Variants in BDP1 observed in about 807,000 individuals in gnomAD.
The protein encoded by BDP1 is transcription factor TFIIIB component B'' homolog.
In BDP1, 169 loss-of-function variants were observed where a neutral mutation model predicts 266.6. The ratio of observed to expected loss-of-function variants is 0.63; its 90% CI spans 0.56 to 0.72. BDP1 has a LOEUF of 0.72. Among genes scored for constraint, BDP1 ranks in the 30% least tolerant of loss-of-function variants. BDP1 has a pLI of 0.00. For missense variants in BDP1, 3,015 were observed against 3,053.8 expected (o/e 0.99, Z 0.30); for synonymous variants, 1,090 against 1,022.4 (o/e 1.07, Z -1.26).
In BDP1 at chr5:71,548,751, A is replaced by G. The variant is rs192651501; in HGVS notation, c.6808+6A>G. ...CAATCCTCAAGACCTAACAGGTATGATAATATGCTTCAGTGACATGTCATA... is the reference window on the plus strand; with the variant it reads ...CAATCCTCAAGACCTAACAGGTATGGTAATATGCTTCAGTGACATGTCATA... On this transcript the variant is annotated splice_donor_region_variant and intron_variant, in intron 33 of 38. Transcript: ENST00000358731. 4.3e-5 allele frequency: 67 copies of G among 1,573,232 alleles called. No individual in the cohort carries two copies. The African/African-American group carries it at 8.2e-4, about 19-fold the overall frequency.
At chr5:71,461,449 A>G (rs1761558315) in intron 2 of BDP1, among the ~76,000 whole-genome samples, 1 of 151,838 alleles carries the variant, frequency 6.6e-6, no homozygotes, top group African/African-American at 2.4e-5. Context: ...TACCAAAAAA[A>G]AAAAAACCCC....
chr5:71,473,714 A>G (rs751959986), intron 7 of BDP1, among the ~76,000 whole-genome samples: 1 of 151,972 alleles, frequency 6.6e-6, no homozygotes, highest in Non-Finnish European at 1.5e-5. Context: ...GTTTTAGGGT[A>G]CATGTGCACA....
rs1561738970 is a variant in BDP1, at chr5:71,516,219, A to G, written c.4808A>G (p.Glu1603Gly). The change falls in exon 21 of 39, where the codon GAA (glutamate) becomes GGA (glycine). Residue 1603 changes from glutamate (E) to glycine (G), a missense_variant. Around this residue, in one of 3 missense-constraint regions of BDP1, gnomAD observed 2,383 missense variants for 2,404.9 expected, o/e 0.99. Coordinates refer to ENST00000358731, the MANE Select transcript of BDP1 (RefSeq NM_018429.3). ...GGTGAAGCCAAAGGCATAATTAAGG[A>G]AGGAAGAACGATATTACCAAAAGAT... is the stretch of plus-strand genomic sequence containing the variant. The part of the protein sequence containing the change: ...DKGEAKGIIK[E>G]GRTILPKDET... 1 of 1,613,528 alleles carries G rather than the reference A, an allele frequency of 6.2e-7. No homozygotes were observed. Among genetic ancestry groups the G allele is most frequent in the African/African-American group, 1.3e-5 (1 of 75,014 alleles).
chr5:71,570,343 A>G (rs1437444315), downstream of BDP1, among the ~76,000 whole-genome samples: 1 of 152,188 alleles, frequency 6.6e-6, no homozygotes, highest in African/African-American at 2.4e-5. Context: ...TTTATGGTAT[A>G]CCCATGAAGC....
intron 7 of BDP1, among the ~76,000 whole-genome samples, chr5:71,480,277 ATTTTTT>A (rs552593030): frequency 9.5e-5 from 10 of 105,014 alleles, no homozygotes; most frequent in African/African-American, 3.3e-4. Context: ...TGCCCAGCTA[ATTTTTT>A]TTTTTTTTTT....
chr5:71,459,503 C>T (rs1274489774), intron 2 of BDP1, among the ~76,000 whole-genome samples: 1 of 152,094 alleles, frequency 6.6e-6, no homozygotes, highest in Non-Finnish European at 1.5e-5. Flanking sequence ...TAGAGTGAAA[C>T]TGTCTCCAAA....
chr5:71,522,694 A>G lies in BDP1; in HGVS notation c.5194-62A>G, dbSNP rs1765566376. The G allele has an allele frequency of 1.3e-5, 19 of 1,492,092 alleles. No homozygotes were observed. The East Asian group carries it at 4.3e-4, about 34-fold the overall frequency. The allele number at this position is 1,492,092 out of a possible 1,614,324, so 92.4% of individuals were successfully genotyped here. ...CTTAGAGGTTTAGGCCAAACTACCA[A>G]ACCAAATTAACATAGAGATTGTTTC... On this transcript the variant is annotated intron_variant, in intron 23 of 38. Transcript: ENST00000358731.
At chr5:71,458,066 TTTTTCTTCAAA>T (rs1410856346) in intron 1 of BDP1, among the ~76,000 whole-genome samples, 3 of 152,124 alleles carry the variant, frequency 2.0e-5, no homozygotes, top group African/African-American at 7.2e-5. Context: ...TAACTAAATG[TTTTTCTTCAAA>T]TACTGCAATA....
At chr5:71,522,641 C>G in intron 23 of BDP1, 115 bp from the exon 24 acceptor site, 1 of 1,192,340 alleles carries the variant, frequency 8.4e-7, no homozygotes, top group Non-Finnish European at 1.2e-6. Flanking sequence ...AAAAGATGAG[C>G]AACCAACTGC....
intron 7 of BDP1, among the ~76,000 whole-genome samples, chr5:71,476,896 G>C (rs1762622593): frequency 6.6e-6 from 1 of 152,084 alleles, no homozygotes; most frequent in African/African-American, 2.4e-5. Context: ...GTAGAGACGG[G>C]GTTTCACCCT....
intron 6 of BDP1, among the ~76,000 whole-genome samples, chr5:71,469,473 A>G (rs1156239423): frequency 6.6e-6 from 1 of 151,924 alleles, no homozygotes; most frequent in Admixed American, 6.6e-5. Context: ...TTCTTTATAT[A>G]CTACTTAGCA....
intron 20 of BDP1, 145 bp from the exon 21 acceptor site, chr5:71,515,916 T>G (rs1303415358): frequency 1.7e-6 from 1 of 600,898 alleles, no homozygotes; most frequent in Non-Finnish European, 2.9e-6. Context: ...AATAAGATGT[T>G]TATAATCAGA....
chr5:71,562,818 C>G lies in BDP1; in HGVS notation c.7743+298C>G, dbSNP rs7704978. ...GAAGCAAAAGGAAGCAGTGCTGACA[C>G]CCACAAGAATTTAAGGAACTGTAAA... On this transcript the variant is annotated intron_variant, in intron 38 of 38. Coordinates refer to ENST00000358731, the MANE Select transcript of BDP1 (RefSeq NM_018429.3). 732 of 1,328,268 alleles carry G rather than the reference C, an allele frequency of 5.5e-4. 4 individuals carry two copies. In the African/African-American group the frequency reaches 1.0e-2, roughly 18 times the overall value. 82.3% of individuals were successfully genotyped at this position (1,328,268 alleles called of 1,614,324 possible).
At chr5:71,469,385 C>T (rs572874031) in intron 6 of BDP1, among the ~76,000 whole-genome samples, 17 of 151,524 alleles carry the variant, frequency 1.1e-4, no homozygotes, top group Non-Finnish European at 1.5e-4. Context: ...GTGATCTGCC[C>T]GCCTCGGCCT....
rs1464448953 is a variant in BDP1 at position 71,539,716 on chromosome 5, C to T, written c.6022+67C>T. ...AAAACCTAACTTAAGAAATTATACC[C>T]ACATTTGAGTAATAACCCTTTTACC... On this transcript the variant is annotated intron_variant, in intron 28 of 38. Transcript: ENST00000358731. 9.5e-6 allele frequency: 10 copies of T among 1,053,650 alleles called. No individual in the cohort carries two copies. In the Admixed American group the frequency reaches 1.5e-4, roughly 16 times the overall value. The allele number at this position is 1,053,650 out of a possible 1,614,324, so 65.3% of individuals were successfully genotyped here. A position where few individuals can be genotyped will look rare whatever the true frequency, so the allele number is the denominator to read the frequency against.
chr5:71,516,587 A>G (rs970135489), intron 21 of BDP1, among the ~76,000 whole-genome samples: 4 of 152,202 alleles, frequency 2.6e-5, no homozygotes, highest in African/African-American at 7.2e-5. Flanking sequence ...CCATGCACAC[A>G]TTATGTGCAC....
chr5:71,560,123 C>T lies in BDP1; in HGVS notation c.7382C>T (p.Pro2461Leu), dbSNP rs1743527360. ...GATGCATGCATGGACAAGAATGTGCCTCAGTTACCTCAGGATGAAATGATT... is the reference window on the plus strand; with the variant it reads ...GATGCATGCATGGACAAGAATGTGCTTCAGTTACCTCAGGATGAAATGATT... Reference protein sequence around the residue: ...SPDACMDKNVPQLPQDEMIVS... With the variant: ...SPDACMDKNVLQLPQDEMIVS... The change falls in exon 37 of 39, where the codon CCT becomes CTT. Residue 2461 changes from proline (P) to leucine (L), a missense_variant. Physicochemically the swap from Pro to Leu is moderately conservative, Grantham distance 98. This residue lies in a region of BDP1 where 629 missense variants were observed against 632.5 expected (regional missense o/e 0.99). Coordinates refer to ENST00000358731, the MANE Select transcript of BDP1 (RefSeq NM_018429.3). The T allele has an allele frequency of 1.9e-6, 3 of 1,614,000 alleles. No individual in the cohort carries two copies. Among genetic ancestry groups the T allele is most frequent in the South Asian group, 1.1e-5 (1 of 91,076 alleles).
chr5:71,482,041 A>C (rs192242082), intron 7 of BDP1, among the ~76,000 whole-genome samples: 10 of 152,282 alleles, frequency 6.6e-5, no homozygotes, highest in Non-Finnish European at 1.0e-4. Flanking sequence ...ATTAGGATGC[A>C]CCTGAACTCT....
intron 38 of BDP1, 34 bp from the exon 39 acceptor site, chr5:71,564,720 T>G: frequency 1.3e-6 from 2 of 1,546,118 alleles, no homozygotes; most frequent in Non-Finnish European, 1.8e-6. Context: ...TGTATTACAG[T>G]TTTATTTTTA....
Sources: allele counts gnomAD v4.1 joint callset (sites outside exome capture counted in the v4.1 genomes callset), GRCh38; gene constraint gnomAD v4.1.1; regional missense constraint gnomAD v4.1.1; transcripts MANE v1.5; gene names NCBI Gene and HGNC (gene_info 2026-07-23, HGNC 2026-07-21).